The following ICE2 variants were observed in gnomAD, a reference collection of about 807,000 sequenced individuals.
ICE2 encodes the protein little elongation complex subunit 2.
Under a neutral mutation model 105.4 loss-of-function variants are expected in ICE2, and 87 were observed. That is an observed-to-expected ratio of 0.83 (90% CI 0.69 to 0.99). The LOEUF (loss-of-function observed/expected upper bound fraction) is 0.99, where lower values mean the gene tolerates loss of function less well. ICE2 is among the 50% of genes least tolerant of loss of function. ICE2 has a pLI of 0.00. For synonymous variants in ICE2, 399 were observed against 392.0 expected (o/e 1.02, Z -0.21); for missense variants, 1,323 against 1,146.7 (o/e 1.15, Z -2.22).
intron 15 of ICE2, among the ~76,000 whole-genome samples, chr15:60,425,704 AT>A (rs1316574999): frequency 6.6e-6 from 1 of 152,194 alleles, no homozygotes; most frequent in Non-Finnish European, 1.5e-5. Flanking sequence ...GTTTGAACAA[AT>A]TTTTACACCA....
At position 60,448,961 on chromosome 15, in the gene ICE2, A is replaced by G. The variant is rs776549205; in HGVS notation, c.2006T>C (p.Met669Thr). The G allele has an allele frequency of 6.2e-7, 1 of 1,614,158 alleles. No individual in the cohort carries two copies. Among genetic ancestry groups the G allele is most frequent in the Non-Finnish European group, 8.5e-7 (1 of 1,179,994 alleles). Residue 669 changes from methionine (M) to threonine (T), a missense_variant, in exon 10 of 16, where the codon ATG (methionine) becomes ACG (threonine). By Grantham distance (81) the Met-to-Thr change is moderately conservative. Coordinates refer to ENST00000261520, the MANE Select transcript of ICE2 (RefSeq NM_024611.6). ...ISRKVPELPL[M>T]NLENSKQPSV... ...AGGCTGTTTAGAATTTTCTAAATTCATTAAGGGCAATTCTGGTACTTTTCT... is the reference window on the plus strand; with the variant it reads ...AGGCTGTTTAGAATTTTCTAAATTCGTTAAGGGCAATTCTGGTACTTTTCT...
At chr15:60,457,178 T>A (rs1047125345) in intron 5 of ICE2, among the ~76,000 whole-genome samples, 1 of 152,154 alleles carries the variant, frequency 6.6e-6, no homozygotes, top group Non-Finnish European at 1.5e-5. Context: ...ATTAATGAAG[T>A]AGTTATCTTA....
chr15:60,476,934 G>A (rs1194878903), intron 2 of ICE2, among the ~76,000 whole-genome samples: 1 of 152,162 alleles, frequency 6.6e-6, no homozygotes, highest in East Asian at 1.9e-4. Flanking sequence ...TGGTATACAA[G>A]AGCATCTGTG....
Position 60,421,962 on chromosome 15 carries a change from G to A in ICE2, c.*1672C>T, listed in dbSNP as rs2063245792. 6.6e-6 allele frequency: 1 copy of A among 150,900 alleles called. No individual in the cohort carries two copies. The highest frequency in any genetic ancestry group is 6.6e-5 in the Admixed American group (1 of 15,078). The allele number at this position is 150,900 out of a possible 1,614,324, so 9.3% of individuals were successfully genotyped here. ...GTTACAATACTTGAGGAGATTTTTC[G>A]GTCTAATTTCTCAGAAATTAGGCCA... is the stretch of plus-strand genomic sequence containing the variant. On this transcript the variant is annotated 3_prime_UTR_variant, in exon 16 of 16. Coordinates refer to ENST00000261520, the MANE Select transcript of ICE2 (RefSeq NM_024611.6).
At chr15:60,477,833 T>A in intron 2 of ICE2, 104 bp downstream of exon 2, 3 of 1,031,438 alleles carry the variant, frequency 2.9e-6, no homozygotes, top group Non-Finnish European at 4.6e-6. Flanking sequence ...ACTTGTATTT[T>A]CTGTTTCCTC....
intron 5 of ICE2, 70 bp from the exon 6 acceptor site, chr15:60,456,864 CAT>C (rs1471466171): frequency 3.5e-5 from 32 of 912,356 alleles, no homozygotes; most frequent in African/African-American, 2.6e-4. Flanking sequence ...TTTTTAGTTA[CAT>C]GTGACTATGT....
chr15:60,425,998 T>C lies in ICE2; in HGVS notation c.2821-2236A>G, dbSNP rs376002887. On this transcript the variant is annotated intron_variant, in intron 15 of 15. Transcript: ENST00000261520. ...AACTATTAGTTATCTAATTGTCCACTGTACCTAATGCTGGGCTCTACAACA... is the reference window on the plus strand; with the variant it reads ...AACTATTAGTTATCTAATTGTCCACCGTACCTAATGCTGGGCTCTACAACA... Among the ~76,000 whole-genome samples, 20 of 152,308 alleles carry C rather than the reference T, an allele frequency of 1.3e-4. 1 individual carries two copies. The highest frequency in any genetic ancestry group is 7.2e-4 in the Admixed American group (11 of 15,298).
chr15:60,437,671 A>AGAC (rs1390891610), intron 12 of ICE2: 2 of 151,082 alleles, frequency 1.3e-5, no homozygotes, highest in Non-Finnish European at 2.9e-5. Context: ...TTATTTTTTA[A>AGAC]GACAGAGTCT....
At chr15:60,456,255 T>C (rs988729300) in intron 6 of ICE2, among the ~76,000 whole-genome samples, 4 of 150,348 alleles carry the variant, frequency 2.7e-5, no homozygotes, top group Admixed American at 6.7e-5. Context: ...ATATAAAATA[T>C]ACATGAGCCA....
intron 1 of ICE2, 196 bp downstream of exon 1, chr15:60,478,805 CAA>C: frequency 2.7e-6 from 1 of 371,124 alleles, no homozygotes; most frequent in Non-Finnish European, 5.5e-6. Flanking sequence ...AAAGGGGACG[CAA>C]AGAGAGGGGA....
In ICE2 at chr15:60,428,783, GAGA is replaced by G. The variant is rs1368935157; in HGVS notation, c.2562-99_2562-97del. Reference sequence around the variant, plus strand: ...ATCTATTAGTAAAATTGAAAATTATGAGAAGATCACACCACCTCTAAAAATACT... The same window carrying G: ...ATCTATTAGTAAAATTGAAAATTATGAGATCACACCACCTCTAAAAATACT... On this transcript the variant is annotated intron_variant, in intron 14 of 15. Transcript: ENST00000261520. 21 of 1,283,722 alleles carry G rather than the reference GAGA, an allele frequency of 1.6e-5. 1 individual carries two copies. The highest frequency in any genetic ancestry group is 1.9e-4 in the Middle Eastern group (1 of 5,140). The allele number at this position is 1,283,722 out of a possible 1,614,324, so 79.5% of individuals were successfully genotyped here.
At chr15:60,463,493 G>A (rs762511359) in intron 5 of ICE2, among the ~76,000 whole-genome samples, 50 of 152,294 alleles carry the variant, frequency 3.3e-4, no homozygotes, top group Non-Finnish European at 6.5e-4. Context: ...GGCAAAAAGG[G>A]CCAAGCACGG....
At chr15:60,430,817 A>G (rs1335123135) in intron 14 of ICE2, among the ~76,000 whole-genome samples, 1 of 152,236 alleles carries the variant, frequency 6.6e-6, no homozygotes, top group African/African-American at 2.4e-5. Context: ...GCAAATCATC[A>G]GGGGGAAAAT....
intron 6 of ICE2, among the ~76,000 whole-genome samples, chr15:60,456,174 AAAAG>A (rs1328274769): frequency 1.3e-5 from 2 of 152,198 alleles, no homozygotes; most frequent in East Asian, 1.9e-4. Flanking sequence ...CCACAGAATA[AAAAG>A]AAAGGGAAAC....
intron 14 of ICE2, among the ~76,000 whole-genome samples, chr15:60,430,818 G>A (rs903000908): frequency 2.6e-5 from 4 of 152,194 alleles, no homozygotes; most frequent in Admixed American, 1.3e-4. Flanking sequence ...CAAATCATCA[G>A]GGGGAAAATC....
chr15:60,447,377 A>T (rs1372607078), intron 11 of ICE2: 2 of 152,180 alleles, frequency 1.3e-5, no homozygotes, highest in Admixed American at 1.3e-4. Context: ...CATTTTTTAA[A>T]AAGTTTATAA....
chr15:60,448,736 G>T, intron 10 of ICE2, 112 bp downstream of exon 10: 1 of 868,632 alleles, frequency 1.2e-6, no homozygotes, highest in Non-Finnish European at 1.8e-6. Flanking sequence ...AAATATCAGT[G>T]ACTATATGAC....
Position 60,449,832 on chromosome 15 carries a change from C to T in ICE2, c.1135G>A (p.Glu379Lys), listed in dbSNP as rs138557547. The change falls in exon 10 of 16, where the codon GAA becomes AAA. Residue 379 changes from glutamate (E) to lysine (K), a missense_variant. By Grantham distance (56) the Glu-to-Lys change is moderately conservative (BLOSUM62 1). Transcript: ENST00000261520. ...EFISEMDMSC[E>K]VNECRKIESL... is the part of the protein sequence containing the mutation. ...TCAATTTTTCGGCACTCGTTGACTT[C>T]ACAGGACATCTTATGTAAATAAATT... The T allele has an allele frequency of 1.1e-4, 182 of 1,609,438 alleles. 2 individuals carry two copies. The highest frequency in any genetic ancestry group is 1.2e-4 in the Non-Finnish European group (140 of 1,178,220).
In ICE2 at chr15:60,468,307, A is replaced by G; in HGVS notation, c.162T>C (p.Asn54=). ...RVLSNRRIGE[N]LNASASSVEN... ...CTACAGAACTTGCTGAGGCATTCAA[A>G]TTTTCTCCTATACGTCTGGAAAACA... is the stretch of plus-strand genomic sequence containing the variant. The change falls in exon 4 of 16, where the codon AAT becomes AAC. Residue 54 remains asparagine, a synonymous_variant. Transcript: ENST00000261520. The G allele has an allele frequency of 6.2e-7, 1 of 1,605,946 alleles. No individual in the cohort carries two copies. Among genetic ancestry groups the G allele is most frequent in the Non-Finnish European group, 8.5e-7 (1 of 1,173,672 alleles).
Sources: gnomAD v4.1 joint callset for allele counts (sites outside exome capture counted in the v4.1 genomes callset) on GRCh38, gnomAD v4.1.1 for gene constraint, MANE v1.5 for transcripts, NCBI Gene and HGNC (gene_info 2026-07-23, HGNC 2026-07-21) for gene names.